Variants in KAZN observed in about 807,000 individuals in gnomAD.
KAZN encodes the protein kazrin, periplakin interacting protein.
Under a neutral mutation model 87.4 loss-of-function variants are expected in KAZN, and 40 were observed. The ratio of observed to expected loss-of-function variants is 0.46; its 90% CI spans 0.36 to 0.60. The LOEUF (loss-of-function observed/expected upper bound fraction) is 0.60. Among genes scored for constraint, KAZN ranks in the 20% least tolerant of loss-of-function variants. KAZN has a pLI of 0.00. For synonymous variants in KAZN, 466 were observed against 458.3 expected (o/e 1.02, Z -0.22); for missense variants, 898 against 1,073.9 (o/e 0.84, Z 2.29).
At chr1:14,570,060 C>A (rs1674770570) in intron 2 of KAZN, among the ~76,000 whole-genome samples, 2 of 152,134 alleles carry the variant, frequency 1.3e-5, no homozygotes, top group Admixed American at 1.3e-4. Flanking sequence ...TTGCAGTGAG[C>A]CAAGACTGCA....
intron 1 of KAZN, among the ~76,000 whole-genome samples, chr1:14,744,702 T>C (rs1644213462): frequency 6.6e-6 from 1 of 152,168 alleles, no homozygotes; most frequent in Non-Finnish European, 1.5e-5. Flanking sequence ...TGACACTGTA[T>C]TCCAGCCTGG....
chr1:14,712,100 C>T (rs1246281110), intron 1 of KAZN, among the ~76,000 whole-genome samples: 1 of 152,094 alleles, frequency 6.6e-6, no homozygotes, highest in African/African-American at 2.4e-5. Flanking sequence ...GTTTTAGGGG[C>T]CAGGTGCTGG....
At chr1:14,096,143 T>C (rs1369419915) in intron 1 of KAZN, among the ~76,000 whole-genome samples, 5 of 152,220 alleles carry the variant, frequency 3.3e-5, no homozygotes, top group Admixed American at 2.6e-4. Flanking sequence ...GTAATTTCAC[T>C]TTATCTGTGT....
intron 2 of KAZN, among the ~76,000 whole-genome samples, chr1:14,476,334 T>C (rs1268350310): frequency 2.6e-5 from 4 of 152,260 alleles, no homozygotes; most frequent in Admixed American, 2.0e-4. Flanking sequence ...TCTTGCCCAA[T>C]TTTCAAGTGA....
At chr1:14,895,723 A>G (rs1160435014) in intron 1 of KAZN, among the ~76,000 whole-genome samples, 1 of 152,184 alleles carries the variant, frequency 6.6e-6, no homozygotes. Flanking sequence ...GCAAAAGATA[A>G]TCATGCAGGC....
chr1:14,757,889 A>G (rs572825548), intron 1 of KAZN, among the ~76,000 whole-genome samples: 1 of 152,258 alleles, frequency 6.6e-6, no homozygotes, highest in South Asian at 2.1e-4. Flanking sequence ...AAGAAGACTG[A>G]AGGAAGAGAA....
intron 2 of KAZN, among the ~76,000 whole-genome samples, chr1:14,478,426 G>A (rs1668892735): frequency 6.6e-6 from 1 of 152,118 alleles, no homozygotes; most frequent in Admixed American, 6.5e-5. Flanking sequence ...ACGGATGGGT[G>A]GATGGCAGTT....
intron 2 of KAZN, among the ~76,000 whole-genome samples, chr1:14,468,048 A>G (rs1668258852): frequency 6.6e-6 from 1 of 152,130 alleles, no homozygotes; most frequent in Non-Finnish European, 1.5e-5. Flanking sequence ...GTGTTCCTAC[A>G]ATGAAGGCCA....
intron 1 of KAZN, among the ~76,000 whole-genome samples, chr1:13,925,127 T>C (rs899417233): frequency 1.3e-5 from 2 of 152,214 alleles, no homozygotes; most frequent in African/African-American, 4.8e-5. Context: ...GCTTTCTGTT[T>C]CTATGTATTT....
At chr1:14,556,035 A>C (rs1673846855) in intron 2 of KAZN, among the ~76,000 whole-genome samples, 1 of 152,126 alleles carries the variant, frequency 6.6e-6, no homozygotes, top group Non-Finnish European at 1.5e-5. Context: ...ACCTGAAACC[A>C]CAGTAGGAGT....
chr1:14,942,704 T>A (rs1661237805), intron 1 of KAZN, among the ~76,000 whole-genome samples: 1 of 152,214 alleles, frequency 6.6e-6, no homozygotes, highest in Admixed American at 6.5e-5. Flanking sequence ...GCCCCTGGGC[T>A]TGTGCCTTGG....
chr1:14,467,674 CAAAAAAAAAAA>C (rs36034022), intron 2 of KAZN, among the ~76,000 whole-genome samples: 4 of 77,346 alleles, frequency 5.2e-5, no homozygotes, highest in African/African-American at 1.5e-4. Flanking sequence ...ATCCAAAAGG[CAAAAAAAAAAA>C]AAAAAAAAAA....
chr1:14,298,191 C>T (rs991661010), intron 2 of KAZN, among the ~76,000 whole-genome samples: 1 of 152,146 alleles, frequency 6.6e-6, no homozygotes, highest in Non-Finnish European at 1.5e-5. Context: ...TGCTACTGCA[C>T]TCCAGACTAG....
chr1:14,040,092 A>ACGTGTGTGTGTGT (rs1557426689), intron 1 of KAZN, among the ~76,000 whole-genome samples: 18 of 123,154 alleles, frequency 1.5e-4, no homozygotes, highest in African/African-American at 3.4e-4. Context: ...TGTGTGTGTG[A>ACGTGTGTGTGTGT]GAGAGAGAGA....
chr1:14,125,967 G>C (rs1454219177), intron 1 of KAZN, among the ~76,000 whole-genome samples: 1 of 123,946 alleles, frequency 8.1e-6, no homozygotes, highest in Non-Finnish European at 1.7e-5. Context: ...GCGGGGTGGG[G>C]TGGGGGGTGG....
intron 2 of KAZN, among the ~76,000 whole-genome samples, chr1:14,591,514 A>G (rs1174862247): frequency 6.6e-6 from 1 of 152,142 alleles, no homozygotes; most frequent in African/African-American, 2.4e-5. Flanking sequence ...AGAGACTTTA[A>G]GTATATATGC....
At chr1:15,022,164 C>T (rs1351538567) in intron 2 of KAZN, among the ~76,000 whole-genome samples, 1 of 152,120 alleles carries the variant, frequency 6.6e-6, no homozygotes, top group Non-Finnish European at 1.5e-5. Flanking sequence ...AGAGGCTCTC[C>T]AGATGGCCAG....
At chr1:14,573,931 G>C (rs905662724) in intron 2 of KAZN, among the ~76,000 whole-genome samples, 3 of 152,246 alleles carry the variant, frequency 2.0e-5, no homozygotes, top group Admixed American at 6.5e-5. Context: ...CAATGCCAGA[G>C]GTGGCTAGGA....
intron 1 of KAZN, among the ~76,000 whole-genome samples, chr1:14,764,862 C>A (rs1644846238): frequency 6.6e-6 from 1 of 152,158 alleles, no homozygotes; most frequent in Non-Finnish European, 1.5e-5. Flanking sequence ...GGGTTATGAT[C>A]TTCAATCCCC....
Sources: allele counts gnomAD v4.1 joint callset (sites outside exome capture counted in the v4.1 genomes callset), GRCh38; gene constraint gnomAD v4.1.1; transcripts MANE v1.5; gene names NCBI Gene and HGNC (gene_info 2026-07-23, HGNC 2026-07-21).